Variants in ADAM32 observed in about 807,000 individuals in gnomAD.
The protein encoded by ADAM32 is ADAM metallopeptidase domain 32.
A neutral mutation model predicts 114.9 loss-of-function variants in ADAM32; 89 were observed. The ratio of observed to expected loss-of-function variants is 0.77; its 90% CI spans 0.65 to 0.92. The LOEUF (loss-of-function observed/expected upper bound fraction) is 0.92. ADAM32 is among the 40% of genes least tolerant of loss of function. The pLI is 0.00. For synonymous variants in ADAM32, 285 were observed against 307.5 expected (o/e 0.93, Z 0.77); for missense variants, 870 against 932.8 (o/e 0.93, Z 0.88).
At chr8:39,211,678 G>T (rs1808233051) in intron 12 of ADAM32, among the ~76,000 whole-genome samples, 1 of 152,040 alleles carries the variant, frequency 6.6e-6, no homozygotes, top group Non-Finnish European at 1.5e-5. Flanking sequence ...GTGTCCTTTA[G>T]GTTATTACTT....
intron 14 of ADAM32, among the ~76,000 whole-genome samples, chr8:39,230,651 G>C (rs956628067): frequency 6.6e-6 from 1 of 152,058 alleles, no homozygotes; most frequent in African/African-American, 2.4e-5. Context: ...TATCCTCATG[G>C]AATCTATACA....
chr8:39,244,491 G>A (rs1194737840), intron 16 of ADAM32, among the ~76,000 whole-genome samples: 1 of 152,124 alleles, frequency 6.6e-6, no homozygotes, highest in African/African-American at 2.4e-5. Context: ...CAGAAATAAA[G>A]CCAAGTATTT....
At chr8:39,118,253 A>G in intron 2 of ADAM32, 88 bp downstream of exon 2, 1 of 754,662 alleles carries the variant, frequency 1.3e-6, no homozygotes, top group South Asian at 3.2e-5. Flanking sequence ...GCCCATTTTA[A>G]TATGAATATA....
chr8:39,270,851 T>G, intron 19 of ADAM32, 25 bp from the exon 20 acceptor site: 2 of 1,594,710 alleles, frequency 1.3e-6, no homozygotes, highest in South Asian at 1.1e-5. Flanking sequence ...AGTACTAACA[T>G]GAGACATTTT....
At chr8:39,185,331 T>A (rs1806157070) in intron 10 of ADAM32, among the ~76,000 whole-genome samples, 2 of 116,632 alleles carry the variant, frequency 1.7e-5, no homozygotes, top group African/African-American at 3.4e-5. Flanking sequence ...GCTACTGTCA[T>A]CTCCAGTCTA....
chr8:39,110,583 G>A (rs2129443982), intron 1 of ADAM32, among the ~76,000 whole-genome samples: 1 of 152,302 alleles, frequency 6.6e-6, no homozygotes, highest in African/African-American at 2.4e-5. Flanking sequence ...TGAATCATAT[G>A]ATAAGAGTAT....
chr8:39,123,061 T>C (rs1041426944), intron 2 of ADAM32, among the ~76,000 whole-genome samples: 11 of 152,202 alleles, frequency 7.2e-5, no homozygotes, highest in Non-Finnish European at 1.0e-4. Flanking sequence ...AGTTCAGTTT[T>C]TTTTGCCTGT....
intron 19 of ADAM32, among the ~76,000 whole-genome samples, chr8:39,262,852 C>T (rs1287216337): frequency 2.6e-5 from 4 of 152,018 alleles, no homozygotes; most frequent in Admixed American, 6.6e-5. Context: ...ACAACAGGTG[C>T]GTGCCACCAT....
chr8:39,246,718 G>A (rs891414151), intron 17 of ADAM32, among the ~76,000 whole-genome samples: 1 of 152,112 alleles, frequency 6.6e-6, no homozygotes, highest in African/African-American at 2.4e-5. Flanking sequence ...GTCACCCAAA[G>A]TCCAGTTTAC....
intron 3 of ADAM32, among the ~76,000 whole-genome samples, chr8:39,146,566 A>G (rs187163462): frequency 2.6e-5 from 4 of 152,010 alleles, no homozygotes; most frequent in African/African-American, 9.7e-5. Flanking sequence ...ACCTGCCACC[A>G]CACCCGACTA....
intron 12 of ADAM32, among the ~76,000 whole-genome samples, chr8:39,218,541 GT>G (rs984892795): frequency 6.6e-6 from 1 of 152,208 alleles, no homozygotes; most frequent in African/African-American, 2.4e-5. Context: ...TACACCTGGT[GT>G]TCTGTTCTAC....
chr8:39,180,246 G>T (rs1305599281), intron 10 of ADAM32, among the ~76,000 whole-genome samples: 1 of 152,236 alleles, frequency 6.6e-6, no homozygotes, highest in Non-Finnish European at 1.5e-5. Context: ...GCAGTGAGGG[G>T]CTTAGCACCT....
chr8:39,235,216 G>A (rs1042428247), intron 16 of ADAM32, among the ~76,000 whole-genome samples: 3 of 152,148 alleles, frequency 2.0e-5, no homozygotes, highest in African/African-American at 7.2e-5. Context: ...AGTGTAAAGT[G>A]TAGGCTTTAA....
intron 9 of ADAM32, chr8:39,168,181 C>T (rs1804967419): frequency 1.3e-5 from 2 of 152,024 alleles, no homozygotes; most frequent in South Asian, 2.1e-4. Context: ...GGAATAAAGA[C>T]AAAGAGAAAA....
chr8:39,182,737 G>A (rs577237494), intron 10 of ADAM32, among the ~76,000 whole-genome samples: 1 of 152,296 alleles, frequency 6.6e-6, no homozygotes, highest in East Asian at 1.9e-4. Flanking sequence ...GTACACTGCA[G>A]GAGCTTTATT....
intron 12 of ADAM32, among the ~76,000 whole-genome samples, chr8:39,215,934 A>T (rs1349438708): frequency 6.6e-6 from 1 of 151,782 alleles, no homozygotes; most frequent in African/African-American, 2.4e-5. Flanking sequence ...ATTAAGTTTG[A>T]TGTTTCTTTA....
intron 11 of ADAM32, among the ~76,000 whole-genome samples, chr8:39,192,838 TG>T (rs1345655000): frequency 2.0e-5 from 3 of 152,204 alleles, no homozygotes; most frequent in Non-Finnish European, 4.4e-5. Context: ...CATTGAATAT[TG>T]GCCTCTGGTC....
intron 24 of ADAM32, 147 bp downstream of exon 24, chr8:39,283,771 CTTTTTT>C (rs373085019): frequency 4.1e-5 from 10 of 241,580 alleles, no homozygotes; most frequent in South Asian, 7.5e-5. Flanking sequence ...TTCTTTTATT[CTTTTTT>C]TTTTTTTTTT....
In ADAM32 at chr8:39,283,636, A is replaced by G. The variant is rs568405347; in HGVS notation, c.2357+12A>G. 6 of 1,584,128 alleles carry G rather than the reference A, an allele frequency of 3.8e-6. No individual in the cohort carries two copies. The African/African-American group carries it at 8.2e-5, about 22-fold the overall frequency. On this transcript the variant is annotated intron_variant, in intron 24 of 24. Coordinates refer to ENST00000379907, the MANE Select transcript of ADAM32 (RefSeq NM_145004.7). ...ACACAAAGCAGTAGGTAAGTATATT[A>G]GAAGGTGTTTCTTAAAATAAATACA...
Sources: gnomAD v4.1 joint callset for allele counts (sites outside exome capture counted in the v4.1 genomes callset) on GRCh38, gnomAD v4.1.1 for gene constraint, MANE v1.5 for transcripts, NCBI Gene and HGNC (gene_info 2026-07-23, HGNC 2026-07-21) for gene names.